MAP3K8: variants seen among roughly 807,000 people sequenced by gnomAD.
The protein encoded by MAP3K8 is mitogen-activated protein kinase kinase kinase 8.
In MAP3K8, 22 loss-of-function variants were observed where a neutral mutation model predicts 45.8. The ratio of observed to expected loss-of-function variants is 0.48; its 90% CI spans 0.34 to 0.69. The LOEUF is 0.69. Among genes scored for constraint, MAP3K8 ranks in the 30% least tolerant of loss-of-function variants. The pLI is 0.01. For synonymous variants in MAP3K8, 223 were observed against 214.3 expected (o/e 1.04, Z -0.36); for missense variants, 419 against 585.0 (o/e 0.72, Z 2.93).
rs757764630 is a variant in MAP3K8, at chr10:30,458,273, G to GGT, written c.1026+38_1026+39insTG. On this transcript the variant is annotated intron_variant, in intron 7 of 8. Transcript: ENST00000263056. ...TCAACCAGGGCTGGGGGCGGCGGGG[G>GGT]GGGGCGTTGAGTTATGCATCCCGCA... 50 of 1,364,626 alleles carry GGT rather than the reference G, an allele frequency of 3.7e-5. 6 individuals carry two copies. The highest frequency in any genetic ancestry group is 1.9e-4 in the East Asian group (7 of 36,528). 84.5% of individuals were successfully genotyped at this position (1,364,626 alleles called of 1,614,324 possible).
chr10:30,450,819 C>T (rs1389689124), intron 5 of MAP3K8, among the ~76,000 whole-genome samples: 1 of 148,874 alleles, frequency 6.7e-6, no homozygotes, highest in Non-Finnish European at 1.5e-5. Flanking sequence ...CGGTGGCTCA[C>T]GCCTGTAATC....
chr10:30,448,657 TC>T (rs1431318945), intron 4 of MAP3K8, among the ~76,000 whole-genome samples: 1 of 152,058 alleles, frequency 6.6e-6, no homozygotes, highest in African/African-American at 2.4e-5. Flanking sequence ...GGTCTCGAAC[TC>T]CTGACTACAA....
rs977532772 is a variant in MAP3K8, at chr10:30,461,774, C to T, written c.*938C>T. On this transcript the variant is annotated 3_prime_UTR_variant, in exon 9 of 9. Transcript: ENST00000263056. Reference sequence around the variant, plus strand: ...GTTTTTACATTATGCAAATAAAACCCAATACTTTTGTCCAATGTGGTTGGT... The same window carrying T: ...GTTTTTACATTATGCAAATAAAACCTAATACTTTTGTCCAATGTGGTTGGT... 2 of 183,098 alleles carry T rather than the reference C, an allele frequency of 1.1e-5. No homozygotes were observed. The highest frequency in any genetic ancestry group is 4.7e-5 in the African/African-American group (2 of 42,460). The allele number at this position is 183,098 out of a possible 1,614,324, so 11.3% of individuals were successfully genotyped here.
Position 30,439,289 on chromosome 10 carries a change from G to C in MAP3K8, c.336+15G>C, listed in dbSNP as rs745432732. ...TATTAAACATGGTACGTTTCTTTCCGATCAGTTGGGTGCTATGTGCTCAGC... is the reference window on the plus strand; with the variant it reads ...TATTAAACATGGTACGTTTCTTTCCCATCAGTTGGGTGCTATGTGCTCAGC... On this transcript the variant is annotated intron_variant, in intron 3 of 8. Transcript: ENST00000263056. 3.7e-6 allele frequency: 6 copies of C among 1,613,834 alleles called. No individual in the cohort carries two copies. Among genetic ancestry groups the C allele is most frequent in the South Asian group, 1.1e-5 (1 of 91,080 alleles).
chr10:30,448,850 T>TCA (rs1836438822), intron 4 of MAP3K8, among the ~76,000 whole-genome samples: 1 of 152,158 alleles, frequency 6.6e-6, no homozygotes, highest in Non-Finnish European at 1.5e-5. Flanking sequence ...GTAGGTGCAC[T>TCA]CACTCCACAG....
chr10:30,434,880 C>T (rs1040497255), intron 1 of MAP3K8: 2 of 695,838 alleles, frequency 2.9e-6, no homozygotes, highest in Non-Finnish European at 3.5e-6. Context: ...TTGGCGGAGC[C>T]CAGAGACTTG....
rs150841663 is a variant in MAP3K8, at chr10:30,460,713, G to T, written c.1281G>T (p.Ser427=). ...LELPENIADS[S]CTGSTEESEM... is the part of the protein sequence containing the mutation. Reference sequence around the variant, plus strand: ...TAATGTTTTCCTTTTCAGATTCTTCGTGCACAGGAAGCACCGAGGAATCTG... The same window carrying T: ...TAATGTTTTCCTTTTCAGATTCTTCTTGCACAGGAAGCACCGAGGAATCTG... Residue 427 remains serine, a synonymous_variant, in exon 9 of 9, where the codon TCG becomes TCT. Transcript: ENST00000263056. 57 of 1,603,972 alleles carry T rather than the reference G, an allele frequency of 3.6e-5. No homozygotes were observed. Among genetic ancestry groups the T allele is most frequent in the Non-Finnish European group, 4.7e-5 (55 of 1,175,220 alleles).
chr10:30,439,602 C>G, intron 3 of MAP3K8: 3 of 408,086 alleles, frequency 7.4e-6, no homozygotes, highest in Non-Finnish European at 1.3e-5. Context: ...TTGAGGTCAG[C>G]AATTAGAGAC....
Position 30,451,668 on chromosome 10 carries a change from C to A in MAP3K8, c.797C>A (p.Ala266Asp). The A allele has an allele frequency of 6.3e-7, 1 of 1,593,862 alleles. No homozygotes were observed. Among genetic ancestry groups the A allele is most frequent in the Non-Finnish European group, 8.6e-7 (1 of 1,168,570 alleles). The change falls in exon 6 of 9, where the codon GCT becomes GAT. Residue 266 changes from alanine (A) to aspartate (D), a missense_variant. Physicochemically the swap from Ala to Asp is moderately radical, Grantham distance 126 (BLOSUM62 -2). Around this residue, in one of 3 missense-constraint regions of MAP3K8, gnomAD observed 209 missense variants for 367.3 expected, o/e 0.57. Coordinates refer to ENST00000263056, the MANE Select transcript of MAP3K8 (RefSeq NM_005204.4). ...PSNIVFMSTK[A>D]VLVDFGLSVQ... ...AACATTGTTTTCATGTCCACAAAAG[C>A]TGTTTTGGTGGATTTTGGCCTAAGT...
In MAP3K8 at chr10:30,439,167, A is replaced by G. The variant is rs1836011906; in HGVS notation, c.229A>G (p.Arg77Gly). Residue 77 changes from arginine (R) to glycine (G), a missense_variant, in exon 3 of 9, where the codon AGA (arginine) becomes GGA (glycine). Around this residue, in one of 3 missense-constraint regions of MAP3K8, gnomAD observed 102 missense variants for 93.5 expected, o/e 1.09. Coordinates refer to ENST00000263056, the MANE Select transcript of MAP3K8 (RefSeq NM_005204.4). ...AGAGGTACCATGGTTGTCATCAGTC[A>G]GATATGGAACTGTGGAGGATTTGCT... ...GQEVPWLSSV[R>G]YGTVEDLLAF... 2 of 1,614,252 alleles carry G rather than the reference A, an allele frequency of 1.2e-6. No homozygotes were observed.
At chr10:30,441,376 C>T (rs976149634) in intron 3 of MAP3K8, among the ~76,000 whole-genome samples, 1 of 152,062 alleles carries the variant, frequency 6.6e-6, no homozygotes. Context: ...AGGCTGGTTT[C>T]GAACTCCTGA....
chr10:30,459,067 G>C (rs1442672077), intron 7 of MAP3K8, among the ~76,000 whole-genome samples, 188 bp from the exon 8 acceptor site: 2 of 152,174 alleles, frequency 1.3e-5, no homozygotes, highest in African/African-American at 2.4e-5. Context: ...ACAGAGCAAA[G>C]ACCCTGTCTC....
At chr10:30,435,227 A>G (rs1315730829) in intron 1 of MAP3K8, among the ~76,000 whole-genome samples, 1 of 152,156 alleles carries the variant, frequency 6.6e-6, no homozygotes, top group African/African-American at 2.4e-5. Flanking sequence ...AGGGACAGAA[A>G]GGCTCTTGCA....
intron 6 of MAP3K8, among the ~76,000 whole-genome samples, chr10:30,456,255 A>G (rs776195052): frequency 3.2e-4 from 48 of 152,202 alleles, no homozygotes; most frequent in Admixed American, 2.2e-3. Context: ...TAAGTATACA[A>G]TACACTATTG....
In MAP3K8 at chr10:30,458,080, T is replaced by A; in HGVS notation, c.874-4T>A. 1 of 1,475,408 alleles carries A rather than the reference T, an allele frequency of 6.8e-7. No individual in the cohort carries two copies. The highest frequency in any genetic ancestry group is 1.4e-5 in the African/African-American group (1 of 69,650). The allele number at this position is 1,475,408 out of a possible 1,614,324, so 91.4% of individuals were successfully genotyped here. ...AAGCTGAATGTTTCCCACTTCTTTT[T>A]CAGATTTACATGAGCCCAGAGGTCA... On this transcript the variant is annotated splice_region_variant and splice_polypyrimidine_tract_variant and intron_variant, in intron 6 of 8. Coordinates refer to ENST00000263056, the MANE Select transcript of MAP3K8 (RefSeq NM_005204.4).
chr10:30,446,217 ATAAGT>A (rs1220701684), intron 3 of MAP3K8, among the ~76,000 whole-genome samples: 1 of 152,124 alleles, frequency 6.6e-6, no homozygotes, highest in Non-Finnish European at 1.5e-5. Context: ...GTTACTTGAA[ATAAGT>A]TAAGGTCCTT....
intron 4 of MAP3K8, among the ~76,000 whole-genome samples, chr10:30,450,009 A>G (rs546664138): frequency 5.3e-5 from 8 of 152,344 alleles, no homozygotes; most frequent in African/African-American, 1.9e-4. Flanking sequence ...TCTGACTTCT[A>G]AATGAAAAGA....
At chr10:30,436,732 CCAGATCAG>C (rs1408563009) in intron 1 of MAP3K8, among the ~76,000 whole-genome samples, 1 of 150,902 alleles carries the variant, frequency 6.6e-6, no homozygotes, top group Admixed American at 6.6e-5. Flanking sequence ...ATTTGTCTTC[CCAGATCAG>C]CAGAGTGAAT....
intron 6 of MAP3K8, among the ~76,000 whole-genome samples, chr10:30,454,537 G>T (rs759022001): frequency 1.8e-4 from 27 of 148,266 alleles, no homozygotes; most frequent in Non-Finnish European, 3.3e-4. Flanking sequence ...TGCACCCATA[G>T]CCTGGAAAAT....
Sources: allele counts gnomAD v4.1 joint callset (sites outside exome capture counted in the v4.1 genomes callset), GRCh38; gene constraint gnomAD v4.1.1; regional missense constraint gnomAD v4.1.1; transcripts MANE v1.5; gene names NCBI Gene and HGNC (gene_info 2026-07-23, HGNC 2026-07-21).